The following SETBP1 variants were observed in gnomAD, a reference collection of about 807,000 sequenced individuals.
The protein encoded by SETBP1 is SET-binding protein.
A neutral mutation model predicts 101.0 loss-of-function variants in SETBP1; 9 were observed. That is an observed-to-expected ratio of 0.09 (90% CI 0.05 to 0.16). SETBP1 has a LOEUF of 0.16. Ranked by LOEUF, SETBP1 falls within the 10% of genes least tolerant of loss-of-function variation. The pLI, the probability that SETBP1 is intolerant of heterozygous loss-of-function variation, is 1.00. For synonymous variants in SETBP1, 818 were observed against 788.5 expected (o/e 1.04, Z -0.63); for missense variants, 1,858 against 2,033.8 (o/e 0.91, Z 1.66).
intron 4 of SETBP1, among the ~76,000 whole-genome samples, chr18:44,969,667 C>T (rs2071798868): frequency 6.6e-6 from 1 of 152,126 alleles, no homozygotes; most frequent in African/African-American, 2.4e-5. Flanking sequence ...TCTGTCCCTC[C>T]TACACCAAGT....
chr18:44,702,790 A>G (rs567935418), intron 2 of SETBP1, among the ~76,000 whole-genome samples: 1 of 152,346 alleles, frequency 6.6e-6, no homozygotes, highest in Admixed American at 6.5e-5. Context: ...TGTGAAAGCC[A>G]GTGATGAGCA....
At chr18:44,784,336 T>C (rs975425850) in intron 2 of SETBP1, among the ~76,000 whole-genome samples, 1 of 152,200 alleles carries the variant, frequency 6.6e-6, no homozygotes, top group African/African-American at 2.4e-5. Flanking sequence ...TTTCTTTTTT[T>C]ACTTCCTCTG....
intron 2 of SETBP1, among the ~76,000 whole-genome samples, chr18:44,774,469 T>C (rs1393260446): frequency 1.3e-5 from 2 of 152,176 alleles, no homozygotes; most frequent in East Asian, 3.9e-4. Context: ...GACATGCTGA[T>C]GACCCATCTT....
intron 3 of SETBP1, among the ~76,000 whole-genome samples, chr18:44,901,524 C>T (rs2144832212): frequency 6.6e-6 from 1 of 152,268 alleles, no homozygotes. Flanking sequence ...GAGGCATTTT[C>T]TTCCTTTTGG....
intron 1 of SETBP1, among the ~76,000 whole-genome samples, chr18:44,683,957 G>A (rs1160642026): frequency 1.3e-5 from 2 of 152,196 alleles, no homozygotes; most frequent in Admixed American, 1.3e-4. Context: ...TTAAAAATGG[G>A]ATGGTGTTAT....
chr18:44,738,097 T>A (rs1024360890), intron 2 of SETBP1, among the ~76,000 whole-genome samples: 2 of 152,170 alleles, frequency 1.3e-5, no homozygotes, highest in African/African-American at 4.8e-5. Context: ...TCTGAGAACC[T>A]AGCATGTGGT....
chr18:45,020,258 T>TAAAAA lies in SETBP1; in HGVS notation c.4001-18194_4001-18190dup, dbSNP rs57134217. Among the ~76,000 whole-genome samples the TAAAAA allele has an allele frequency of 1.7e-4, 9 of 53,086 alleles. 1 individual carries two copies. The highest frequency in any genetic ancestry group is 2.8e-4 in the Admixed American group (1 of 3,586). 34.8% of individuals were successfully genotyped at this position (53,086 alleles called of 152,430 possible). On this transcript the variant is annotated intron_variant, in intron 4 of 5. Transcript: ENST00000649279. ...CTGGTGACAGAGCAAGACTCTGTCT[T>TAAAAA]AAAAAAAAAAAAAAAAAAAAAAAAA...
intron 1 of SETBP1, among the ~76,000 whole-genome samples, chr18:44,697,514 G>A (rs912455555): frequency 7.9e-5 from 12 of 152,152 alleles, no homozygotes; most frequent in East Asian, 1.9e-4. Context: ...TGAACTACAC[G>A]ACTTTGAATA....
At chr18:44,840,805 G>T (rs998416905) in intron 2 of SETBP1, among the ~76,000 whole-genome samples, 1 of 152,250 alleles carries the variant, frequency 6.6e-6, no homozygotes, top group Non-Finnish European at 1.5e-5. Flanking sequence ...ATCACCTGGA[G>T]AGCTTTTTAG....
chr18:45,009,690 A>G (rs117383788), intron 4 of SETBP1, among the ~76,000 whole-genome samples: 1 of 152,184 alleles, frequency 6.6e-6, no homozygotes, highest in Non-Finnish European at 1.5e-5. Context: ...GGGCCTCTCT[A>G]TGAAATAGAA....
intron 2 of SETBP1, among the ~76,000 whole-genome samples, chr18:44,785,476 T>C (rs2071221698): frequency 6.6e-6 from 1 of 152,226 alleles, no homozygotes; most frequent in Non-Finnish European, 1.5e-5. Flanking sequence ...CTTTTTTTAT[T>C]CTTCTGTGAA....
chr18:44,990,553 C>T (rs72913309), intron 4 of SETBP1, among the ~76,000 whole-genome samples: 8,559 of 151,966 alleles, frequency 0.056, 325 homozygotes, highest in Non-Finnish European at 0.081. Context: ...AATCATGTCA[C>T]TGCACTCCTG....
chr18:45,050,574 G>A (rs954776277), intron 5 of SETBP1, among the ~76,000 whole-genome samples: 1 of 152,188 alleles, frequency 6.6e-6, no homozygotes, highest in African/African-American at 2.4e-5. Context: ...AGACCAGATA[G>A]TCTTCATGAG....
intron 4 of SETBP1, among the ~76,000 whole-genome samples, chr18:45,021,092 A>G (rs960626664): frequency 6.6e-6 from 1 of 152,220 alleles, no homozygotes; most frequent in Non-Finnish European, 1.5e-5. Flanking sequence ...CTTCTTCAAT[A>G]TAGTTGCTCA....
intron 2 of SETBP1, among the ~76,000 whole-genome samples, chr18:44,800,466 G>A (rs186186044): frequency 5.3e-5 from 8 of 152,242 alleles, no homozygotes; most frequent in Admixed American, 6.5e-5. Flanking sequence ...GCACGGATCC[G>A]ACAATCAAAA....
chr18:44,861,223 T>A (rs9965397), intron 2 of SETBP1, among the ~76,000 whole-genome samples: 21,075 of 141,382 alleles, frequency 0.15, 1,815 homozygotes, highest in African/African-American at 0.24. Context: ...ATTTCCTTTT[T>A]CTTTTCTTTT....
At chr18:44,689,293 A>G (rs1335540807) in intron 1 of SETBP1, among the ~76,000 whole-genome samples, 1 of 152,202 alleles carries the variant, frequency 6.6e-6, no homozygotes, top group African/African-American at 2.4e-5. Flanking sequence ...CAGAAGCAGC[A>G]TGGCCCTGAA....
chr18:44,711,868 C>T (rs2069355672), intron 2 of SETBP1, among the ~76,000 whole-genome samples: 1 of 152,122 alleles, frequency 6.6e-6, no homozygotes. Flanking sequence ...CACCATTTTC[C>T]ATAATACCCC....
chr18:44,738,509 C>T (rs1390024173), intron 2 of SETBP1, among the ~76,000 whole-genome samples: 1 of 152,148 alleles, frequency 6.6e-6, no homozygotes, highest in African/African-American at 2.4e-5. Flanking sequence ...CGCTGTGGCT[C>T]ACACCTGTAA....
Sources: allele counts gnomAD v4.1 joint callset (sites outside exome capture counted in the v4.1 genomes callset), GRCh38; gene constraint gnomAD v4.1.1; transcripts MANE v1.5; gene names NCBI Gene and HGNC (gene_info 2026-07-23, HGNC 2026-07-21).